The following LTBP2 variants were observed in gnomAD, a reference collection of about 807,000 sequenced individuals.
LTBP2 encodes the protein latent transforming growth factor beta binding protein 2.
Under a neutral mutation model 210.6 loss-of-function variants are expected in LTBP2, and 103 were observed. The ratio of observed to expected loss-of-function variants is 0.49; its 90% confidence interval spans 0.42 to 0.58. The LOEUF (loss-of-function observed/expected upper bound fraction) is 0.58, where lower values mean the gene tolerates loss of function less well. LTBP2 is among the 20% of genes least tolerant of loss of function. The pLI is 0.00. For synonymous variants in LTBP2, 1,007 were observed against 1,015.0 expected (o/e 0.99, Z 0.15); for missense variants, 2,313 against 2,494.5 (o/e 0.93, Z 1.55).
Position 74,503,493 on chromosome 14 carries a change from A to G in LTBP2, c.4696T>C (p.Cys1566Arg). The G allele has an allele frequency of 4.3e-6, 7 of 1,612,564 alleles. No homozygotes were observed. The East Asian group carries it at 1.6e-4, about 36-fold the overall frequency. Residue 1566 changes from cysteine to arginine, a missense_variant, in exon 32 of 36, where the codon TGC becomes CGC. Cys to Arg is a radical substitution (Grantham distance 180, BLOSUM62 -3). Transcript: ENST00000261978. ...CCCGTGCTGCTGGTGCTGTTCATGC[A>G]GCGCTGCTGGCTGAGGTCCAGGGTG... ...PLTLDLSQQRCMNSTSSTEDL... is the reference protein window; with the variant it reads ...PLTLDLSQQRRMNSTSSTEDL...
At chr14:74,539,461 CT>C (rs2087464337) in intron 8 of LTBP2, among the ~76,000 whole-genome samples, 1 of 152,176 alleles carries the variant, frequency 6.6e-6, no homozygotes, top group African/African-American at 2.4e-5. Flanking sequence ...AATCCCAACA[CT>C]TTGGGAGGCC....
Position 74,508,697 on chromosome 14 carries a change from C to A in LTBP2, c.3559G>T (p.Ala1187Ser), listed in dbSNP as rs752025206. 3.1e-6 allele frequency: 5 copies of A among 1,613,576 alleles called. No homozygotes were observed. The highest frequency in any genetic ancestry group is 4.2e-6 in the Non-Finnish European group (5 of 1,179,970). The change falls in exon 24 of 36, where the codon GCA becomes TCA. Residue 1187 changes from alanine (A) to serine (S), a missense_variant. Ala to Ser is a moderately conservative substitution (Grantham distance 99, BLOSUM62 1). This residue lies in a region of LTBP2 where 1,867 missense variants were observed against 1,976.9 expected (regional missense o/e 0.94). Transcript: ENST00000261978. ...CTGTTGAGGCACTCGCCGTGGGGTG[C>A]GCAGTGCTCCTCCCCCATGCACTCA... ...VNECMGEEHCAPHGECLNSHG... is the reference protein window; with the variant it reads ...VNECMGEEHCSPHGECLNSHG...
chr14:74,520,603 C>G (rs1287221405), intron 17 of LTBP2, among the ~76,000 whole-genome samples: 6 of 152,132 alleles, frequency 3.9e-5, no homozygotes, highest in Admixed American at 3.9e-4. Context: ...GAGTTCGAGA[C>G]CAGCCTGGCC....
intron 3 of LTBP2, among the ~76,000 whole-genome samples, chr14:74,566,649 C>A (rs1357274413): frequency 6.6e-6 from 1 of 152,184 alleles, no homozygotes; most frequent in Admixed American, 6.5e-5. Flanking sequence ...GGCCCAGAGC[C>A]TGGATTGGAA....
intron 3 of LTBP2, among the ~76,000 whole-genome samples, chr14:74,556,628 T>G (rs1343202505): frequency 1.3e-5 from 2 of 152,262 alleles, no homozygotes; most frequent in African/African-American, 4.8e-5. Context: ...GCAATTCTCC[T>G]GCCTCAGCCT....
intron 8 of LTBP2, among the ~76,000 whole-genome samples, chr14:74,541,096 C>T (rs2087502458): frequency 6.6e-6 from 1 of 151,080 alleles, no homozygotes; most frequent in Non-Finnish European, 1.5e-5. Context: ...CTGCCACCCA[C>T]ACCAGGTGTC....
intron 16 of LTBP2, among the ~76,000 whole-genome samples, chr14:74,522,531 A>G (rs2087219666): frequency 6.6e-6 from 1 of 152,024 alleles, no homozygotes; most frequent in Non-Finnish European, 1.5e-5. Context: ...GCTGCCAGGC[A>G]CAGGCCAGGA....
At chr14:74,535,889 G>A (rs903929569) in intron 9 of LTBP2, 37 bp downstream of exon 9, 8 of 1,578,746 alleles carry the variant, frequency 5.1e-6, no homozygotes, top group South Asian at 3.3e-5. Flanking sequence ...GTGTGCCCCG[G>A]CATCCTTGAG....
At chr14:74,556,142 T>A (rs2087725964) in intron 3 of LTBP2, among the ~76,000 whole-genome samples, 1 of 152,188 alleles carries the variant, frequency 6.6e-6, no homozygotes, top group Non-Finnish European at 1.5e-5. Flanking sequence ...GTAGAAGAGG[T>A]GCCCAACAAA....
chr14:74,541,235 A>G (rs1181065444), intron 8 of LTBP2, among the ~76,000 whole-genome samples: 2 of 152,084 alleles, frequency 1.3e-5, no homozygotes, highest in South Asian at 2.1e-4. Context: ...AGCATAAGCT[A>G]CGTGAGGACA....
At chr14:74,514,326 A>G (rs1595246224) in intron 18 of LTBP2, among the ~76,000 whole-genome samples, 1 of 152,112 alleles carries the variant, frequency 6.6e-6, no homozygotes, top group Admixed American at 6.5e-5. Flanking sequence ...GTGCTCAACA[A>G]ATGTTTGCTA....
intron 3 of LTBP2, among the ~76,000 whole-genome samples, chr14:74,585,259 C>T (rs558304529): frequency 8.5e-5 from 13 of 152,124 alleles, no homozygotes; most frequent in Non-Finnish European, 1.5e-4. Context: ...AGCTGGGTGC[C>T]GAGGAAACCG....
chr14:74,553,227 T>C (rs1199616993), intron 4 of LTBP2, among the ~76,000 whole-genome samples, 165 bp from the exon 5 acceptor site: 1 of 152,184 alleles, frequency 6.6e-6, no homozygotes, highest in Non-Finnish European at 1.5e-5. Flanking sequence ...AGGTGATACC[T>C]TTGAGAAGCT....
In LTBP2 at chr14:74,510,175, C is replaced by T. The variant is rs752006088; in HGVS notation, c.3067G>A (p.Gly1023Arg). The change falls in exon 20 of 36, where the codon GGA (glycine) becomes AGA (arginine). Residue 1023 changes from glycine (G) to arginine (R), a missense_variant. This residue lies in a region of LTBP2 where 1,867 missense variants were observed against 1,976.9 expected (regional missense o/e 0.94). Coordinates refer to ENST00000261978, the MANE Select transcript of LTBP2 (RefSeq NM_000428.3). Reference sequence around the variant, plus strand: ...GAGCCTTCTAGGTTGGTGCACTTTCCATGGGCACAGACCCCGGGAGTCAGA... The same window carrying T: ...GAGCCTTCTAGGTTGGTGCACTTTCTATGGGCACAGACCCCGGGAGTCAGA... ...ECLTPGVCAH[G>R]KCTNLEGSFR... The T allele has an allele frequency of 3.7e-6, 6 of 1,614,056 alleles. No individual in the cohort carries two copies. In the African/African-American group the frequency reaches 8.0e-5, roughly 22 times the overall value.
intron 8 of LTBP2, 60 bp from the exon 9 acceptor site, chr14:74,536,060 A>G: frequency 6.8e-7 from 1 of 1,476,338 alleles, no homozygotes; most frequent in South Asian, 1.1e-5. Context: ...TCTGTCACCC[A>G]TGCTGGGAAG....
chr14:74,589,523 C>A (rs1338214388), intron 2 of LTBP2, among the ~76,000 whole-genome samples: 1 of 152,220 alleles, frequency 6.6e-6, no homozygotes, highest in East Asian at 1.9e-4. Context: ...CTCTTCCTGG[C>A]AGGCTCCAGG....
chr14:74,576,404 A>G (rs1037099237), intron 3 of LTBP2, among the ~76,000 whole-genome samples: 13 of 152,332 alleles, frequency 8.5e-5, no homozygotes, highest in Admixed American at 2.0e-4. Context: ...CTTGAGGAAT[A>G]TAGTAACTGG....
intron 18 of LTBP2, among the ~76,000 whole-genome samples, chr14:74,515,092 C>T (rs559602959): frequency 6.0e-4 from 92 of 152,130 alleles, no homozygotes; most frequent in Non-Finnish European, 1.0e-3. Context: ...ATGTGCCAGA[C>T]GGTGCCTAGC....
rs2087037760 is a variant in LTBP2 at position 74,509,296 on chromosome 14, G to A, written c.3345C>T (p.Phe1115=). ...AGCCCCCATCGCAGTCCTTGCAGGA[G>A]AAGGAGCCAGCCGTGTTGGTGCAGA... ...SGVCTNTAGS[F]SCKDCDGGYR... Residue 1115 remains phenylalanine, a synonymous_variant, in exon 22 of 36, where the codon TTC becomes TTT. Coordinates refer to ENST00000261978, the MANE Select transcript of LTBP2 (RefSeq NM_000428.3). 6.2e-7 allele frequency: 1 copy of A among 1,613,672 alleles called. No homozygotes were observed. The highest frequency in any genetic ancestry group is 8.5e-7 in the Non-Finnish European group (1 of 1,179,994).
Sources: allele counts gnomAD v4.1 joint callset (sites outside exome capture counted in the v4.1 genomes callset), GRCh38; gene constraint gnomAD v4.1.1; regional missense constraint gnomAD v4.1.1; transcripts MANE v1.5; gene names NCBI Gene and HGNC (gene_info 2026-07-23, HGNC 2026-07-21).